The following NR2C2 variants were observed in gnomAD, a reference collection of about 807,000 sequenced individuals.
NR2C2 encodes nuclear receptor subfamily 2 group C member 2.
NR2C2 carries 6 observed loss-of-function variants against 62.9 expected under a neutral mutation model. That is an observed-to-expected ratio of 0.10 (90% confidence interval 0.05 to 0.19). NR2C2 has a LOEUF of 0.19. Ranked by LOEUF, NR2C2 falls within the 10% of genes least tolerant of loss-of-function variation. The pLI is 1.00. For synonymous variants in NR2C2, 272 were observed against 273.8 expected, an observed-to-expected ratio of 0.99 and a Z score of 0.07; for missense variants, 479 against 762.7, an observed-to-expected ratio of 0.63 and a Z score of 4.38.
intron 13 of NR2C2, among the ~76,000 whole-genome samples, chr3:15,041,303 C>T (rs1439896107): frequency 6.6e-6 from 1 of 152,154 alleles, no homozygotes; most frequent in Admixed American, 6.6e-5. Context: ...CATCCCTCCC[C>T]ATTCTTTGTA....
Position 15,044,968 on chromosome 3 carries a change from G to A in NR2C2, c.*1960G>A, listed in dbSNP as rs528166195. 6.2e-4 allele frequency: 94 copies of A among 152,344 alleles called. 2 individuals carry two copies. The highest frequency in any genetic ancestry group is 2.2e-3 in the African/African-American group (90 of 41,578). 9.4% of individuals were successfully genotyped at this position (152,344 alleles called of 1,614,324 possible). A position where few individuals can be genotyped will look rare whatever the true frequency, so the allele number is the denominator to read the frequency against. ...TTGCCTTGGCAGCAAATTTTGGAGA[G>A]TAGTGGGAGTGGCCATTATAAAATG... On this transcript the variant is annotated 3_prime_UTR_variant, in exon 14 of 14. Coordinates refer to ENST00000425241, the MANE Select transcript of NR2C2 (RefSeq NM_001291694.2).
rs936080704 is a variant in NR2C2 at position 15,048,745 on chromosome 3, G to C, written c.*5737G>C. On this transcript the variant is annotated 3_prime_UTR_variant, in exon 14 of 14. Transcript: ENST00000425241. Reference sequence around the variant, plus strand: ...GTTCTACGGATTATCTTGTAAACCAGTGTTCAACTAGTTTTATAACTGAAA... The same window carrying C: ...GTTCTACGGATTATCTTGTAAACCACTGTTCAACTAGTTTTATAACTGAAA... 2 of 152,578 alleles carry C rather than the reference G, an allele frequency of 1.3e-5. No individual in the cohort carries two copies. Among genetic ancestry groups the C allele is most frequent in the South Asian group, 2.1e-4 (1 of 4,836 alleles). 9.5% of individuals were successfully genotyped at this position (152,578 alleles called of 1,614,324 possible).
intron 1 of NR2C2, among the ~76,000 whole-genome samples, chr3:14,953,446 G>C (rs1294782420): frequency 1.3e-5 from 2 of 152,138 alleles, no homozygotes; most frequent in African/African-American, 4.8e-5. Context: ...GAAAAGTGAA[G>C]AGAAATGAGA....
At position 15,048,826 on chromosome 3, in the gene NR2C2, C is replaced by CTGTT. The variant is rs1559323735; in HGVS notation, c.*5819_*5822dup. 6.6e-6 allele frequency: 1 copy of CTGTT among 152,620 alleles called. No homozygotes were observed. Among genetic ancestry groups the CTGTT allele is most frequent in the Admixed American group, 6.5e-5 (1 of 15,278 alleles). The allele number at this position is 152,620 out of a possible 1,614,324, so 9.5% of individuals were successfully genotyped here. On this transcript the variant is annotated 3_prime_UTR_variant, in exon 14 of 14. Coordinates refer to ENST00000425241, the MANE Select transcript of NR2C2 (RefSeq NM_001291694.2). ...GTTTTTACCTGTAGTTTGGACTTCT[C>CTGTT]TGTTAGAATGTAACTGCATTACCAG...
chr3:14,950,834 T>C (rs2039334259), intron 1 of NR2C2, among the ~76,000 whole-genome samples: 1 of 151,396 alleles, frequency 6.6e-6, no homozygotes, highest in African/African-American at 2.5e-5. Context: ...ACTAAGTTGC[T>C]GTACATTGAT....
rs2042427556 is a variant in NR2C2, at chr3:15,045,731, A to C, written c.*2723A>C. On this transcript the variant is annotated 3_prime_UTR_variant, in exon 14 of 14. Coordinates refer to ENST00000425241, the MANE Select transcript of NR2C2 (RefSeq NM_001291694.2). ...ACCAAATATTTGGGCTCCAACTTTC[A>C]CAGGGCTTATAGCCCTTATTAGCAG... 1 of 152,676 alleles carries C rather than the reference A, an allele frequency of 6.5e-6. No individual in the cohort carries two copies. Among genetic ancestry groups the C allele is most frequent in the African/African-American group, 2.4e-5 (1 of 41,474 alleles). 9.5% of individuals were successfully genotyped at this position (152,676 alleles called of 1,614,324 possible). A position where few individuals can be genotyped will look rare whatever the true frequency, so the allele number is the denominator to read the frequency against.
chr3:15,012,204 G>T (rs191402624), intron 2 of NR2C2, among the ~76,000 whole-genome samples: 1 of 151,238 alleles, frequency 6.6e-6, no homozygotes, highest in African/African-American at 2.4e-5. Context: ...GTGTGAGTTT[G>T]TTGTCTCAAC....
chr3:15,004,711 C>CA, intron 2 of NR2C2: 1 of 1,377,562 alleles, frequency 7.3e-7, no homozygotes, highest in Non-Finnish European at 9.9e-7. Flanking sequence ...ATCAAAAAGC[C>CA]AATTATAACG....
intron 1 of NR2C2, chr3:14,959,782 A>G (rs1004836685): frequency 1.4e-4 from 22 of 152,236 alleles, no homozygotes; most frequent in African/African-American, 5.1e-4. Context: ...TTACGCTAAC[A>G]CTGCAGTAAA....
chr3:14,966,269 T>C (rs1281591148), intron 1 of NR2C2, among the ~76,000 whole-genome samples: 1 of 152,216 alleles, frequency 6.6e-6, no homozygotes, highest in Non-Finnish European at 1.5e-5. Context: ...GGACAGGGCT[T>C]TTGCTCTCCC....
At chr3:15,036,142 A>G (rs1295387854) in intron 11 of NR2C2, among the ~76,000 whole-genome samples, 1 of 152,156 alleles carries the variant, frequency 6.6e-6, no homozygotes, top group African/African-American at 2.4e-5. Context: ...GTGAGCCGAG[A>G]CTGTGCCACT....
Position 14,986,439 on chromosome 3 carries a change from C to T in NR2C2, c.-39-17437C>T, listed in dbSNP as rs2040516325. Among the ~76,000 whole-genome samples the T allele has an allele frequency of 2.0e-5, 3 of 151,922 alleles. No homozygotes were observed. In the South Asian group the frequency reaches 6.2e-4, roughly 31 times the overall value. ...TAATGTTAGAATAAGTGAGACTAGA[C>T]TTACTTATGATAAAAACGGTTGACA... On this transcript the variant is annotated intron_variant, in intron 1 of 13. Coordinates refer to ENST00000425241, the MANE Select transcript of NR2C2 (RefSeq NM_001291694.2).
chr3:15,045,585 G>A lies in NR2C2; in HGVS notation c.*2577G>A, dbSNP rs760220260. ...CCTTTTCTTTAAGGATCATGTCCAC[G>A]TAACCTGTATTCTTGCTGCTTTAAC... is the stretch of plus-strand genomic sequence containing the variant. On this transcript the variant is annotated 3_prime_UTR_variant, in exon 14 of 14. Transcript: ENST00000425241. 6.5e-6 allele frequency: 1 copy of A among 152,702 alleles called. No individual in the cohort carries two copies. Among genetic ancestry groups the A allele is most frequent in the Non-Finnish European group, 1.5e-5 (1 of 68,036 alleles). 9.5% of individuals were successfully genotyped at this position (152,702 alleles called of 1,614,324 possible).
Position 15,047,103 on chromosome 3 carries a change from G to T in NR2C2, c.*4095G>T, listed in dbSNP as rs1303276209. 1 of 152,556 alleles carries T rather than the reference G, an allele frequency of 6.6e-6. No homozygotes were observed. Among genetic ancestry groups the T allele is most frequent in the Non-Finnish European group, 1.5e-5 (1 of 68,040 alleles). The allele number at this position is 152,556 out of a possible 1,614,324, so 9.5% of individuals were successfully genotyped here. A position where few individuals can be genotyped will look rare whatever the true frequency, so the allele number is the denominator to read the frequency against. ...CATATGTACAGTGTATATAGTGTGT[G>T]TATGTGTACATAGATGTATATTATG... On this transcript the variant is annotated 3_prime_UTR_variant, in exon 14 of 14. Transcript: ENST00000425241.
chr3:15,014,492 A>G (rs2041448967), intron 3 of NR2C2, among the ~76,000 whole-genome samples: 1 of 151,992 alleles, frequency 6.6e-6, no homozygotes, highest in South Asian at 2.1e-4. Context: ...AATTTTTGAT[A>G]AAATACACAT....
chr3:15,046,411 T>A lies in NR2C2; in HGVS notation c.*3403T>A, dbSNP rs2042453722. On this transcript the variant is annotated 3_prime_UTR_variant, in exon 14 of 14. Transcript: ENST00000425241. ...ACGCTACACACATACTTATTAGCTG[T>A]CTTACTTGTTTGGGGGATAGTTACG... 1 of 152,240 alleles carries A rather than the reference T, an allele frequency of 6.6e-6. No individual in the cohort carries two copies. The highest frequency in any genetic ancestry group is 1.5e-5 in the Non-Finnish European group (1 of 68,048). The allele number at this position is 152,240 out of a possible 1,614,324, so 9.4% of individuals were successfully genotyped here. A position where few individuals can be genotyped will look rare whatever the true frequency, so the allele number is the denominator to read the frequency against.
chr3:15,013,804 C>A lies in NR2C2; in HGVS notation c.273+15C>A, dbSNP rs1260144956. 1.2e-6 allele frequency: 2 copies of A among 1,613,328 alleles called. No individual in the cohort carries two copies. The highest frequency in any genetic ancestry group is 1.3e-5 in the African/African-American group (1 of 74,918). Reference sequence around the variant, plus strand: ...GCAGGATCCAGGTAAGGCCTTTGGACAGGTATTTGTTTCAGCACTTCTGCT... The same window carrying A: ...GCAGGATCCAGGTAAGGCCTTTGGAAAGGTATTTGTTTCAGCACTTCTGCT... On this transcript the variant is annotated intron_variant, in intron 3 of 13. Coordinates refer to ENST00000425241, the MANE Select transcript of NR2C2 (RefSeq NM_001291694.2).
At chr3:14,953,364 T>A (rs2125215075) in intron 1 of NR2C2, among the ~76,000 whole-genome samples, 1 of 152,294 alleles carries the variant, frequency 6.6e-6, no homozygotes, top group South Asian at 2.1e-4. Context: ...AAAAGAATAT[T>A]TCCCCCCTGT....
At chr3:14,976,976 A>G (rs1337333403) in intron 1 of NR2C2, among the ~76,000 whole-genome samples, 1 of 152,174 alleles carries the variant, frequency 6.6e-6, no homozygotes, top group Non-Finnish European at 1.5e-5. Flanking sequence ...TTCATAAATG[A>G]TACCGTGCAC....
Sources: gnomAD v4.1 joint callset for allele counts (sites outside exome capture counted in the v4.1 genomes callset) on GRCh38, gnomAD v4.1.1 for gene constraint, MANE v1.5 for transcripts, NCBI Gene and HGNC (gene_info 2026-07-23, HGNC 2026-07-21) for gene names.